KREMEN1: variants seen among roughly 807,000 people sequenced by gnomAD.
KREMEN1 encodes kringle containing transmembrane protein 1.
KREMEN1 carries 30 observed loss-of-function variants against 46.5 expected under a neutral mutation model. That is an observed-to-expected ratio of 0.65 (90% CI 0.48 to 0.88). The LOEUF (loss-of-function observed/expected upper bound fraction) is 0.88. Ranked by LOEUF, KREMEN1 falls within the 40% of genes least tolerant of loss-of-function variation. The pLI is 0.00. For missense variants in KREMEN1, 533 were observed against 596.9 expected (o/e 0.89, Z 1.11); for synonymous variants, 214 against 230.6 (o/e 0.93, Z 0.65).
At position 29,073,138 on chromosome 22, in the gene KREMEN1, C is replaced by G; in HGVS notation, c.8C>G (p.Pro3Arg). 1 of 1,082,724 alleles carries G rather than the reference C, an allele frequency of 9.2e-7. No individual in the cohort carries two copies. Among genetic ancestry groups the G allele is most frequent in the Non-Finnish European group, 1.1e-6 (1 of 895,772 alleles). 67.1% of individuals were successfully genotyped at this position (1,082,724 alleles called of 1,614,324 possible). MA[P>R]PAARLALLSA... ...GCCCCGCACTGACGGCCCATGGCGC[C>G]GCCAGCCGCCCGCCTCGCCCTGCTC... Residue 3 changes from proline (P) to arginine (R), a missense_variant, in exon 1 of 9, where the codon CCG (proline) becomes CGG (arginine). Coordinates refer to ENST00000400335, the MANE Select transcript of KREMEN1 (RefSeq NM_001039570.3). This position sits in a 1 kb window ranked among gnomAD's most constrained non-coding sequence, Gnocchi z 4.4.
intron 1 of KREMEN1, among the ~76,000 whole-genome samples, chr22:29,074,894 A>G (rs1163438752): frequency 6.6e-6 from 1 of 152,208 alleles, no homozygotes; most frequent in Non-Finnish European, 1.5e-5. Context: ...TAGGTAACAT[A>G]CCCGCATATA....
chr22:29,073,269 C>G lies in KREMEN1; in HGVS notation c.97+42C>G. Reference sequence around the variant, plus strand: ...CCCCGCCGCCCGCCCTGAGCGGAGCCCACTCGAGGGGCGACAAGGGCCGGC... The same window carrying G: ...CCCCGCCGCCCGCCCTGAGCGGAGCGCACTCGAGGGGCGACAAGGGCCGGC... On this transcript the variant is annotated intron_variant, in intron 1 of 8. Transcript: ENST00000400335. This position sits in a 1 kb window ranked among gnomAD's most constrained non-coding sequence, Gnocchi z 4.4. 1.1e-6 allele frequency: 1 copy of G among 941,920 alleles called. No individual in the cohort carries two copies. Among genetic ancestry groups the G allele is most frequent in the Non-Finnish European group, 1.4e-6 (1 of 739,794 alleles). 58.3% of individuals were successfully genotyped at this position (941,920 alleles called of 1,614,324 possible). A position where few individuals can be genotyped will look rare whatever the true frequency, so the allele number is the denominator to read the frequency against.
At chr22:29,081,428 T>C (rs2037653320) in intron 1 of KREMEN1, among the ~76,000 whole-genome samples, 1 of 152,214 alleles carries the variant, frequency 6.6e-6, no homozygotes, top group South Asian at 2.1e-4. Context: ...TCATGCAATG[T>C]TTAGGAATAC....
Position 29,144,445 on chromosome 22 carries a change from G to A in KREMEN1, c.*2333G>A. ...CCAGGCCCCGTGGGAGGCCTGCTGA[G>A]GGCACAGAGCTGCTCGGTGCAGCCT... On this transcript the variant is annotated 3_prime_UTR_variant, in exon 9 of 9. Coordinates refer to ENST00000400335, the MANE Select transcript of KREMEN1 (RefSeq NM_001039570.3). 2.0e-6 allele frequency: 2 copies of A among 985,622 alleles called. No individual in the cohort carries two copies. The highest frequency in any genetic ancestry group is 9.4e-5 in the South Asian group (2 of 21,288). The allele number at this position is 985,622 out of a possible 1,614,324, so 61.1% of individuals were successfully genotyped here. A position where few individuals can be genotyped will look rare whatever the true frequency, so the allele number is the denominator to read the frequency against.
chr22:29,167,386 G>A lies in KREMEN1; in HGVS notation c.*280G>A, dbSNP rs565664569. ...AGAATAGAAAGAAAGAAAGAGAAAC[G>A]GTGTCCTCCGCACAGCCGGTCAGAA... On this transcript the variant is annotated 3_prime_UTR_variant, in exon 10 of 10. Transcript: ENST00000327813. 14 of 449,896 alleles carry A rather than the reference G, an allele frequency of 3.1e-5. No individual in the cohort carries two copies. In the Middle Eastern group the frequency reaches 2.6e-3, roughly 84 times the overall value. The allele number at this position is 449,896 out of a possible 1,614,324, so 27.9% of individuals were successfully genotyped here.
chr22:29,155,484 G>A (rs1466535979), intron 9 of KREMEN1, among the ~76,000 whole-genome samples: 16 of 152,050 alleles, frequency 1.1e-4, no homozygotes, highest in Admixed American at 9.2e-4. Context: ...GCAGTGAGCC[G>A]TGATCACGCC....
At chr22:29,106,465 G>A (rs1212851031) in intron 3 of KREMEN1, among the ~76,000 whole-genome samples, 2 of 151,176 alleles carry the variant, frequency 1.3e-5, no homozygotes, top group African/African-American at 2.4e-5. Context: ...TCCTGACCTC[G>A]TGATCCGCCC....
At chr22:29,085,630 T>C (rs549713603) in intron 1 of KREMEN1, among the ~76,000 whole-genome samples, 1 of 152,276 alleles carries the variant, frequency 6.6e-6, no homozygotes, top group African/African-American at 2.4e-5. Flanking sequence ...CCCCTTTTTT[T>C]CTTTTCTTGC....
At chr22:29,161,757 C>T (rs982857504) in intron 9 of KREMEN1, among the ~76,000 whole-genome samples, 2 of 151,988 alleles carry the variant, frequency 1.3e-5, no homozygotes, top group African/African-American at 4.8e-5. Flanking sequence ...AAGCTTCAGG[C>T]CAATATCCCT....
intron 3 of KREMEN1, among the ~76,000 whole-genome samples, chr22:29,117,170 C>T (rs753020299): frequency 2.6e-5 from 4 of 151,958 alleles, no homozygotes; most frequent in East Asian, 1.9e-4. Flanking sequence ...TGTGTACATG[C>T]GCACATACAC....
Position 29,073,100 on chromosome 22 carries a change from G to T in KREMEN1, c.-31G>T. 3 of 811,048 alleles carry T rather than the reference G, an allele frequency of 3.7e-6. No homozygotes were observed. The highest frequency in any genetic ancestry group is 4.5e-6 in the Non-Finnish European group (3 of 668,746). The allele number at this position is 811,048 out of a possible 1,614,324, so 50.2% of individuals were successfully genotyped here. ...CCCCGCGCTGCCCCCTTTACCCCGG[G>T]CCGCGCCCCGGGGCCCCGCACTGAC... On this transcript the variant is annotated 5_prime_UTR_variant, in exon 1 of 9. Transcript: ENST00000400335. The surrounding 1 kb of genome is among the most constrained non-coding windows in gnomAD (Gnocchi z 4.4).
intron 9 of KREMEN1, among the ~76,000 whole-genome samples, chr22:29,165,797 ACATTGTGTTT>A (rs1441186487): frequency 2.6e-5 from 4 of 152,166 alleles, no homozygotes; most frequent in African/African-American, 7.2e-5. Flanking sequence ...AGGCGGCAAG[ACATTGTGTTT>A]CTCTCCTCCT....
chr22:29,127,533 C>A (rs985029687), intron 5 of KREMEN1, among the ~76,000 whole-genome samples: 1 of 151,988 alleles, frequency 6.6e-6, no homozygotes, highest in African/African-American at 2.4e-5. Context: ...TGGTGGCACA[C>A]GTGCCTGTAA....
chr22:29,155,667 A>T (rs1303307465), intron 9 of KREMEN1, among the ~76,000 whole-genome samples: 1 of 152,082 alleles, frequency 6.6e-6, no homozygotes, highest in African/African-American at 2.4e-5. Context: ...GGATTATTTT[A>T]AAATTTGGAG....
rs1475280624 is a variant in KREMEN1 at position 29,141,925 on chromosome 22, A to G, written c.1209-19A>G. 6.4e-7 allele frequency: 1 copy of G among 1,554,078 alleles called. No homozygotes were observed. Among genetic ancestry groups the G allele is most frequent in the Non-Finnish European group, 8.7e-7 (1 of 1,152,640 alleles). ...GCGTTGTTCTAATCTATTGGAAAAA[A>G]TATTTATCTGCTTGACAGATCCCAT... On this transcript the variant is annotated intron_variant, in intron 8 of 8. Coordinates refer to ENST00000400335, the MANE Select transcript of KREMEN1 (RefSeq NM_001039570.3).
intron 3 of KREMEN1, among the ~76,000 whole-genome samples, chr22:29,111,913 A>C (rs2038159564): frequency 6.6e-6 from 1 of 152,214 alleles, no homozygotes; most frequent in Non-Finnish European, 1.5e-5. Flanking sequence ...TGTCTTCGAT[A>C]ATGATTTGGT....
downstream of KREMEN1, among the ~76,000 whole-genome samples, chr22:29,149,058 C>T (rs143904244): frequency 6.6e-6 from 1 of 152,114 alleles, no homozygotes; most frequent in African/African-American, 2.4e-5. Flanking sequence ...AGCATTGCCT[C>T]GACATGGAGT....
intron 1 of KREMEN1, among the ~76,000 whole-genome samples, chr22:29,074,747 G>A (rs1404898416): frequency 6.6e-6 from 1 of 152,184 alleles, no homozygotes; most frequent in Non-Finnish European, 1.5e-5. Flanking sequence ...TTGGATTAGC[G>A]AAAAAGCTAG....
At position 29,143,848 on chromosome 22, in the gene KREMEN1, C is replaced by T. The variant is rs1432241116; in HGVS notation, c.*1736C>T. 7.1e-6 allele frequency: 7 copies of T among 985,354 alleles called. No individual in the cohort carries two copies. The highest frequency in any genetic ancestry group is 1.1e-4 in the East Asian group (1 of 8,820). The allele number at this position is 985,354 out of a possible 1,614,324, so 61.0% of individuals were successfully genotyped here. A position where few individuals can be genotyped will look rare whatever the true frequency, so the allele number is the denominator to read the frequency against. On this transcript the variant is annotated 3_prime_UTR_variant, in exon 9 of 9. Coordinates refer to ENST00000400335, the MANE Select transcript of KREMEN1 (RefSeq NM_001039570.3). ...TGGGGAAGGAGAGCACTCTTGTCCC[C>T]AGTCCCTTGCCACCCTGTCCCTTAG...
Sources: gnomAD v4.1 joint callset for allele counts (sites outside exome capture counted in the v4.1 genomes callset) on GRCh38, gnomAD v4.1.1 for gene constraint, Gnocchi (gnomAD v3.1) non-coding constraint, MANE v1.5 for transcripts, NCBI Gene and HGNC (gene_info 2026-07-23, HGNC 2026-07-21) for gene names.